The following CHD1 variants were observed in gnomAD, a reference collection of about 807,000 sequenced individuals.
CHD1 encodes the protein ATP-dependent chromatin remodeler CHD1.
CHD1 carries 36 observed loss-of-function variants against 224.2 expected under a neutral mutation model. That is an observed-to-expected ratio of 0.16 (90% confidence interval 0.12 to 0.21). The LOEUF (loss-of-function observed/expected upper bound fraction) is 0.21. Ranked by LOEUF, CHD1 falls within the 10% of genes least tolerant of loss-of-function variation. The pLI, the probability that CHD1 is intolerant of heterozygous loss-of-function variation, is 1.00. For synonymous variants in CHD1, 668 were observed against 658.3 expected (o/e 1.01, Z -0.23); for missense variants, 1,378 against 1,994.8 (o/e 0.69, Z 5.89).
At chr5:98,868,687 G>C (rs1749091036) in intron 30 of CHD1, 52 bp from the exon 31 acceptor site, 5 of 1,460,988 alleles carry the variant, frequency 3.4e-6, no homozygotes, top group Non-Finnish European at 3.7e-6. Flanking sequence ...AGCAACAAAG[G>C]CAAAATGACT....
intron 1 of CHD1, 143 bp downstream of exon 1, chr5:98,928,396 A>G (rs2112697386): frequency 6.6e-6 from 1 of 152,272 alleles, no homozygotes; most frequent in Non-Finnish European, 1.5e-5. Flanking sequence ...AGGCCCGTAC[A>G]CCGCCACCGG....
chr5:98,891,192 G>A (rs111384204), intron 15 of CHD1, among the ~76,000 whole-genome samples: 2 of 152,066 alleles, frequency 1.3e-5, no homozygotes, highest in African/African-American at 4.8e-5. Context: ...TCCCACCTCA[G>A]CCTACCAAGC....
intron 11 of CHD1, among the ~76,000 whole-genome samples, chr5:98,896,667 G>T (rs968243368): frequency 6.6e-6 from 1 of 151,968 alleles, no homozygotes; most frequent in African/African-American, 2.4e-5. Context: ...TTTTGGGCCA[G>T]AAGAGGCTTA....
In CHD1 at chr5:98,893,502, G is replaced by A. The variant is rs1580449021; in HGVS notation, c.1905C>T (p.Ser635=). The A allele has an allele frequency of 6.2e-7, 1 of 1,611,180 alleles. No homozygotes were observed. Among genetic ancestry groups the A allele is most frequent in the African/African-American group, 1.3e-5 (1 of 74,910 alleles). Residue 635 remains serine, a synonymous_variant, in exon 14 of 36, where the codon TCC becomes TCT. Coordinates refer to ENST00000614616, the MANE Select transcript of CHD1 (RefSeq NM_001270.4). Reference sequence around the variant, plus strand: ...TTCCAGTGATAAGGAGACGATGATTGGATTTAAAATCTATTAAAGTTTTAT... The same window carrying A: ...TTCCAGTGATAAGGAGACGATGATTAGATTTAAAATCTATTAAAGTTTTAT... ...LLYKTLIDFK[S]NHRLLITGTP...
intron 7 of CHD1, among the ~76,000 whole-genome samples, chr5:98,900,281 C>CAAAAAAAAAAAAAAAAAA (rs77593613): frequency 1.1e-5 from 1 of 92,580 alleles, no homozygotes; most frequent in Non-Finnish European, 2.3e-5. Flanking sequence ...GATTCTGTCA[C>CAAAAAAAAAAAAAAAAAA]AAAAAAAAAA....
intron 15 of CHD1, among the ~76,000 whole-genome samples, chr5:98,891,726 A>G (rs1751031033): frequency 6.6e-6 from 1 of 152,186 alleles, no homozygotes; most frequent in African/African-American, 2.4e-5. Flanking sequence ...CACCAGAATC[A>G]TTTGAAACCA....
rs746349976 is a variant in CHD1 at position 98,926,411 on chromosome 5, A to T, written c.-25T>A. 2 of 1,285,522 alleles carry T rather than the reference A, an allele frequency of 1.6e-6. No homozygotes were observed. The highest frequency in any genetic ancestry group is 5.2e-5 in the Admixed American group (2 of 38,622). 79.6% of individuals were successfully genotyped at this position (1,285,522 alleles called of 1,614,324 possible). On this transcript the variant is annotated 5_prime_UTR_variant, in exon 2 of 36. Transcript: ENST00000614616. ...TTGTAAATTATTATCAAGAAGTTTT[A>T]AAGTAAAATATAAATCTTCCCAGTT...
At position 98,879,606 on chromosome 5, in the gene CHD1, T is replaced by C; in HGVS notation, c.3183A>G (p.Gln1061=). The part of the protein sequence containing the change: ...QRRRLEEEER[Q]KELEEIYMLP... ...GCATATAAATTTCTTCAAGTTCCTT[T>C]TGTCTTTCTTCTTCTTCTAATCGTC... The change falls in exon 23 of 36, where the codon CAA becomes CAG. Residue 1061 remains glutamine (Q), a synonymous_variant. Coordinates refer to ENST00000614616, the MANE Select transcript of CHD1 (RefSeq NM_001270.4). The C allele has an allele frequency of 6.2e-7, 1 of 1,604,628 alleles. No homozygotes were observed. Among genetic ancestry groups the C allele is most frequent in the South Asian group, 1.1e-5 (1 of 88,346 alleles).
At chr5:98,863,020 C>G (rs1190490027) in intron 32 of CHD1, among the ~76,000 whole-genome samples, 2 of 152,080 alleles carry the variant, frequency 1.3e-5, no homozygotes. Context: ...ATTTTTACAT[C>G]TTTATACATG....
chr5:98,914,813 G>A (rs749880218), intron 2 of CHD1, among the ~76,000 whole-genome samples: 1 of 152,120 alleles, frequency 6.6e-6, no homozygotes, highest in Non-Finnish European at 1.5e-5. Flanking sequence ...CATTGCCCTA[G>A]CTCATGTTCC....
At chr5:98,923,829 C>T (rs187739433) in intron 2 of CHD1, among the ~76,000 whole-genome samples, 2 of 152,194 alleles carry the variant, frequency 1.3e-5, no homozygotes, top group Non-Finnish European at 2.9e-5. Flanking sequence ...CAGAATATAC[C>T]AGCACATGAT....
intron 34 of CHD1, 45 bp from the exon 35 acceptor site, chr5:98,858,435 T>C (rs745556672): frequency 1.3e-6 from 2 of 1,519,212 alleles, no homozygotes; most frequent in Admixed American, 3.7e-5. Flanking sequence ...AAAAATAATG[T>C]GGCAAAAAAA....
At chr5:98,903,930 G>A in intron 3 of CHD1, 22 bp from the exon 4 acceptor site, 1 of 1,458,512 alleles carries the variant, frequency 6.9e-7, no homozygotes, top group Non-Finnish European at 9.5e-7. Flanking sequence ...ATATAAACCA[G>A]TGAATGAAGA....
intron 10 of CHD1, among the ~76,000 whole-genome samples, chr5:98,897,930 C>G (rs1315474824): frequency 6.6e-6 from 1 of 152,024 alleles, no homozygotes; most frequent in African/African-American, 2.4e-5. Flanking sequence ...GTTTATTCTC[C>G]CAACCCTTCC....
chr5:98,900,489 G>T (rs1383884512), intron 7 of CHD1, among the ~76,000 whole-genome samples: 1 of 149,800 alleles, frequency 6.7e-6, no homozygotes, highest in Non-Finnish European at 1.5e-5. Context: ...ACCCAGGCTG[G>T]AGTGCAGTCG....
chr5:98,872,333 C>A, intron 27 of CHD1, 84 bp downstream of exon 27: 1 of 1,471,756 alleles, frequency 6.8e-7, no homozygotes. Flanking sequence ...CAAAACTAGC[C>A]AATAACACCA....
chr5:98,863,662 A>T (rs576976052), intron 31 of CHD1, 76 bp from the exon 32 acceptor site: 8 of 931,290 alleles, frequency 8.6e-6, no homozygotes, highest in Non-Finnish European at 1.1e-5. Context: ...TCCTTCAATG[A>T]TATTTACATG....
At chr5:98,869,673 A>G (rs1749184302) in intron 30 of CHD1, 81 bp downstream of exon 30, 4 of 1,491,742 alleles carry the variant, frequency 2.7e-6, no homozygotes, top group Admixed American at 3.7e-5. Context: ...CCTAAAATAT[A>G]AATTTTAAAT....
intron 22 of CHD1, 123 bp downstream of exon 22, chr5:98,880,953 A>G: frequency 2.9e-6 from 2 of 682,336 alleles, no homozygotes; most frequent in East Asian, 5.6e-5. Flanking sequence ...AAGAGAGAGT[A>G]GTTTTTACAT....
Sources: allele counts gnomAD v4.1 joint callset (sites outside exome capture counted in the v4.1 genomes callset), GRCh38; gene constraint gnomAD v4.1.1; transcripts MANE v1.5; gene names NCBI Gene and HGNC (gene_info 2026-07-23, HGNC 2026-07-21).